CHFR: variants seen among roughly 807,000 people sequenced by gnomAD.
The protein encoded by CHFR is checkpoint with forkhead and ring finger domains.
CHFR carries 57 observed loss-of-function variants against 87.6 expected under a neutral mutation model. The observed-to-expected ratio is 0.65, with a 90% CI of 0.53 to 0.81. The LOEUF (loss-of-function observed/expected upper bound fraction) is 0.81. Among genes scored for constraint, CHFR ranks in the 30% least tolerant of loss-of-function variants. The pLI, the probability that CHFR is intolerant of heterozygous loss-of-function variation, is 0.00. For missense variants in CHFR, 797 were observed against 865.8 expected (o/e 0.92, Z 1.00); for synonymous variants, 381 against 359.2 (o/e 1.06, Z -0.69).
intron 14 of CHFR, 144 bp downstream of exon 14, chr12:132,847,941 C>G: frequency 6.6e-7 from 1 of 1,506,098 alleles, no homozygotes; most frequent in Non-Finnish European, 8.9e-7. Flanking sequence ...GCTGGCTGCA[C>G]CAGTGAGGAA....
chr12:132,847,394 C>T, intron 14 of CHFR: 1 of 1,213,794 alleles, frequency 8.2e-7, no homozygotes, highest in Non-Finnish European at 1.0e-6. Flanking sequence ...CTACACAGCC[C>T]AGGTGTGAAT....
rs1566170710 is a variant in CHFR, at chr12:132,840,654, G to C, written c.*900C>G. The C allele has an allele frequency of 6.5e-6, 1 of 152,686 alleles. No individual in the cohort carries two copies. The highest frequency in any genetic ancestry group is 2.1e-4 in the South Asian group (1 of 4,836). The allele number at this position is 152,686 out of a possible 1,614,324, so 9.5% of individuals were successfully genotyped here. ...CTGTAGGGTCTTGGAGGAAGGGCCC[G>C]GGCAGCATGAGGGAGCGGCGCGTCC... On this transcript the variant is annotated 3_prime_UTR_variant, in exon 18 of 18. Coordinates refer to ENST00000450056, the MANE Select transcript of CHFR (RefSeq NM_001161346.2).
rs552519920 is a variant in CHFR at position 132,876,251 on chromosome 12, T to C, written c.233+1304A>G. On this transcript the variant is annotated intron_variant, in intron 3 of 17. Transcript: ENST00000450056. ...TGTGATTGCATTTATGCAAAATATA[T>C]ATACCAACATATGCATTTTTAACGT... Among the ~76,000 whole-genome samples the C allele has an allele frequency of 8.5e-5, 13 of 152,304 alleles. No individual in the cohort carries two copies. In the East Asian group the frequency reaches 1.3e-3, roughly 16 times the overall value.
chr12:132,861,733 G>T, intron 6 of CHFR, 99 bp from the exon 7 acceptor site: 1 of 1,124,028 alleles, frequency 8.9e-7, no homozygotes, highest in Non-Finnish European at 1.3e-6. Context: ...GCAGCTGGCA[G>T]CCTGAGATGT....
chr12:132,872,518 T>G (rs1302921078), intron 3 of CHFR, 124 bp from the exon 4 acceptor site: 15 of 650,362 alleles, frequency 2.3e-5, no homozygotes, highest in Non-Finnish European at 3.9e-5. Flanking sequence ...AGGAACAGTG[T>G]AAATACGTAA....
Position 132,869,728 on chromosome 12 carries a change from C to T in CHFR, c.474G>A (p.Val158=), listed in dbSNP as rs1186481589. Residue 158 remains valine, a synonymous_variant, in exon 6 of 18, where the codon GTG becomes GTA. Transcript: ENST00000450056. ...RVPPSSPATQ[V]CFEEPQPSTS... is the part of the protein sequence containing the mutation. Reference sequence around the variant, plus strand: ...TTGATGGCTGTGGTTCCTCAAAGCACACCTGAGTGGCGGGCGACGACGGAG... The same window carrying T: ...TTGATGGCTGTGGTTCCTCAAAGCATACCTGAGTGGCGGGCGACGACGGAG... The T allele has an allele frequency of 2.6e-6, 4 of 1,551,746 alleles. No homozygotes were observed. In the Admixed American group the frequency reaches 5.9e-5, roughly 23 times the overall value.
Position 132,869,610 on chromosome 12 carries a change from T to A in CHFR, c.583+9A>T. 6.4e-7 allele frequency: 1 copy of A among 1,551,174 alleles called. No homozygotes were observed. The highest frequency in any genetic ancestry group is 8.7e-7 in the Non-Finnish European group (1 of 1,146,598). On this transcript the variant is annotated intron_variant, in intron 6 of 17. Transcript: ENST00000450056. ...ACCAGCACCAAGACCTCATGAGATG[T>A]GACCTCACCACAACTGGAGGAACGC...
intron 11 of CHFR, among the ~76,000 whole-genome samples, chr12:132,852,365 C>A (rs1950967776): frequency 6.6e-6 from 1 of 152,162 alleles, no homozygotes; most frequent in Non-Finnish European, 1.5e-5. Flanking sequence ...ATAAAACAAG[C>A]TGTGTGTTCA....
chr12:132,863,047 C>T (rs2136988751), intron 6 of CHFR, among the ~76,000 whole-genome samples: 1 of 149,210 alleles, frequency 6.7e-6, no homozygotes, highest in South Asian at 2.1e-4. Flanking sequence ...CAGGTGCCCG[C>T]CACCACGCCC....
chr12:132,843,095 G>A lies in CHFR; in HGVS notation c.1844-12C>T. On this transcript the variant is annotated splice_polypyrimidine_tract_variant and intron_variant, in intron 16 of 17. Coordinates refer to ENST00000450056, the MANE Select transcript of CHFR (RefSeq NM_001161346.2). ...GGATGTTACGGCCACTGGAAAAAGA[G>A]AAGGGGTACGCATCTATGAGATGTA... The A allele has an allele frequency of 6.2e-7, 1 of 1,610,852 alleles. No individual in the cohort carries two copies. The highest frequency in any genetic ancestry group is 8.5e-7 in the Non-Finnish European group (1 of 1,178,542).
chr12:132,862,549 A>G (rs1951237407), intron 6 of CHFR: 1 of 352,226 alleles, frequency 2.8e-6, no homozygotes, highest in African/African-American at 2.2e-5. Flanking sequence ...GGCTACAGTG[A>G]GCCATGACCA....
At chr12:132,871,502 T>A (rs1352686627) in intron 4 of CHFR, among the ~76,000 whole-genome samples, 1 of 152,084 alleles carries the variant, frequency 6.6e-6, no homozygotes, top group Non-Finnish European at 1.5e-5. Flanking sequence ...CCAGGTGCAG[T>A]GGCTCATGCC....
Position 132,865,294 on chromosome 12 carries a change from G to A in CHFR, c.584-3660C>T, listed in dbSNP as rs540812591. Reference sequence around the variant, plus strand: ...TAAGGAACCTGGAAGATACGATGAAGGGTACACAGCCCAAGAGAGCTGGTA... The same window carrying A: ...TAAGGAACCTGGAAGATACGATGAAAGGTACACAGCCCAAGAGAGCTGGTA... On this transcript the variant is annotated intron_variant, in intron 6 of 17. Transcript: ENST00000450056. 9.2e-5 allele frequency among the ~76,000 whole-genome samples: 14 copies of A among 152,322 alleles called. No individual in the cohort carries two copies. In the East Asian group the frequency reaches 1.9e-3, roughly 21 times the overall value.
At chr12:132,861,827 G>A (rs919608020) in intron 6 of CHFR, 193 bp from the exon 7 acceptor site, 16 of 566,818 alleles carry the variant, frequency 2.8e-5, no homozygotes, top group South Asian at 6.9e-5. Context: ...CTATCTCTAC[G>A]TGGGGTGGAG....
chr12:132,844,260 A>G (rs1950762615), intron 15 of CHFR, 126 bp from the exon 16 acceptor site: 1 of 643,088 alleles, frequency 1.6e-6, no homozygotes, highest in Non-Finnish European at 2.9e-6. Context: ...ACACATTAGG[A>G]AAATAAGAAC....
chr12:132,844,474 C>T (rs145476163), intron 15 of CHFR, among the ~76,000 whole-genome samples: 5,269 of 110,122 alleles, frequency 0.048, 545 homozygotes, highest in Non-Finnish European at 0.086. Context: ...TTAGTAGAGA[C>T]TGGGTTTCAC....
chr12:132,880,411 C>T (rs545089854), intron 2 of CHFR, among the ~76,000 whole-genome samples: 167 of 152,244 alleles, frequency 1.1e-3, no homozygotes, highest in Non-Finnish European at 2.0e-3. Context: ...AATCCCAGCA[C>T]TTTGGGAGGC....
At chr12:132,855,263 GA>G (rs1951041079) in intron 10 of CHFR, among the ~76,000 whole-genome samples, 1 of 147,690 alleles carries the variant, frequency 6.8e-6, no homozygotes, top group Non-Finnish European at 1.5e-5. Context: ...AAAAAGAAAA[GA>G]AAAAAAAATT....
In CHFR at chr12:132,848,161, G is replaced by A. The variant is rs374602539; in HGVS notation, c.1577-6C>T. ...CTTGTCACCCAGGTTGAGCTCTGCCGAGATGAAGGGGCAATGTTACCTGTT... is the reference window on the plus strand; with the variant it reads ...CTTGTCACCCAGGTTGAGCTCTGCCAAGATGAAGGGGCAATGTTACCTGTT... On this transcript the variant is annotated splice_region_variant and splice_polypyrimidine_tract_variant and intron_variant, in intron 13 of 17. Coordinates refer to ENST00000450056, the MANE Select transcript of CHFR (RefSeq NM_001161346.2). 2.4e-5 allele frequency: 38 copies of A among 1,614,134 alleles called. No individual in the cohort carries two copies. In the South Asian group the frequency reaches 4.0e-4, roughly 17 times the overall value.
Sources: allele counts gnomAD v4.1 joint callset (sites outside exome capture counted in the v4.1 genomes callset), GRCh38; gene constraint gnomAD v4.1.1; transcripts MANE v1.5; gene names NCBI Gene and HGNC (gene_info 2026-07-23, HGNC 2026-07-21).